SKAP2: variants seen among roughly 807,000 people sequenced by gnomAD.
SKAP2 encodes src kinase-associated phosphoprotein 2.
Under a neutral mutation model 54.9 loss-of-function variants are expected in SKAP2, and 28 were observed. The ratio of observed to expected loss-of-function variants is 0.51; its 90% CI spans 0.38 to 0.70. SKAP2 has a LOEUF of 0.70. Among genes scored for constraint, SKAP2 ranks in the 30% least tolerant of loss-of-function variants. The probability of loss-of-function intolerance (pLI) is 0.00; values close to 1 mark genes in which losing one functional copy is unlikely to be tolerated. For synonymous variants in SKAP2, 137 were observed against 134.3 expected, an observed-to-expected ratio of 1.02 and a Z score of -0.14; for missense variants, 356 against 424.1, an observed-to-expected ratio of 0.84 and a Z score of 1.41.
At chr7:26,850,947 A>G (rs908465117) in intron 3 of SKAP2, among the ~76,000 whole-genome samples, 1 of 152,168 alleles carries the variant, frequency 6.6e-6, no homozygotes, top group Non-Finnish European at 1.5e-5. Context: ...AAATGAATAT[A>G]AACAAGTGAA....
At chr7:26,678,940 C>A (rs556437238) in intron 11 of SKAP2, among the ~76,000 whole-genome samples, 9 of 152,308 alleles carry the variant, frequency 5.9e-5, no homozygotes, top group African/African-American at 2.2e-4. Flanking sequence ...GTATGCTATA[C>A]ACACTGAGGG....
At position 26,812,843 on chromosome 7, in the gene SKAP2, G is replaced by GA. The variant is rs3842175; in HGVS notation, c.307+31186dup. 1.5e-4 allele frequency among the ~76,000 whole-genome samples: 22 copies of GA among 145,744 alleles called. No individual in the cohort carries two copies. The East Asian group carries it at 2.4e-3, about 16-fold the overall frequency. On this transcript the variant is annotated intron_variant, in intron 4 of 12. Coordinates refer to ENST00000345317, the MANE Select transcript of SKAP2 (RefSeq NM_003930.5). ...CATAAAACCATGCTTTTTTAAAAAAGAAAAAAAAAAGCCTGTTTTTTTCCG... is the reference window on the plus strand; with the variant it reads ...CATAAAACCATGCTTTTTTAAAAAAGAAAAAAAAAAAGCCTGTTTTTTTCCG...
At chr7:26,747,604 A>C (rs1782584618) in intron 4 of SKAP2, among the ~76,000 whole-genome samples, 1 of 152,186 alleles carries the variant, frequency 6.6e-6, no homozygotes, top group African/African-American at 2.4e-5. Context: ...TTTAGAACAA[A>C]AGAAGACAGT....
At chr7:26,774,548 T>C (rs1332736081) in intron 4 of SKAP2, among the ~76,000 whole-genome samples, 1 of 151,966 alleles carries the variant, frequency 6.6e-6, no homozygotes, top group African/African-American at 2.4e-5. Flanking sequence ...TACACACCTA[T>C]GTGTATATGC....
intron 1 of SKAP2, among the ~76,000 whole-genome samples, chr7:26,859,573 T>A (rs1038213812): frequency 6.6e-6 from 1 of 152,162 alleles, no homozygotes; most frequent in South Asian, 2.1e-4. Flanking sequence ...AGTCTTACAA[T>A]CCAATCATTG....
At chr7:26,830,297 C>T (rs761464516) in intron 4 of SKAP2, among the ~76,000 whole-genome samples, 11 of 151,974 alleles carry the variant, frequency 7.2e-5, no homozygotes, top group Non-Finnish European at 1.5e-4. Flanking sequence ...GTTTCTTTTT[C>T]GTGGAGATGA....
intron 9 of SKAP2, among the ~76,000 whole-genome samples, chr7:26,720,588 C>G (rs1202979203): frequency 6.6e-6 from 1 of 152,004 alleles, no homozygotes; most frequent in African/African-American, 2.4e-5. Context: ...AAGACATACC[C>G]AAGACTGGCA....
intron 4 of SKAP2, among the ~76,000 whole-genome samples, chr7:26,753,418 G>A (rs1043349503): frequency 2.0e-5 from 3 of 152,034 alleles, no homozygotes; most frequent in African/African-American, 7.2e-5. Flanking sequence ...TTTGTGTACA[G>A]GATTTGTAAA....
intron 9 of SKAP2, among the ~76,000 whole-genome samples, chr7:26,695,561 T>C (rs1786877237): frequency 6.6e-6 from 1 of 152,226 alleles, no homozygotes; most frequent in Non-Finnish European, 1.5e-5. Flanking sequence ...TCCTCCTTTA[T>C]TTTCATTAAA....
chr7:26,841,918 G>A (rs555809799), intron 4 of SKAP2, among the ~76,000 whole-genome samples: 1 of 151,888 alleles, frequency 6.6e-6, no homozygotes, highest in Non-Finnish European at 1.5e-5. Flanking sequence ...ATTCGGTTAT[G>A]CTTATTGTTA....
At chr7:26,705,378 ATCAT>A (rs1787134663) in intron 9 of SKAP2, among the ~76,000 whole-genome samples, 1 of 152,216 alleles carries the variant, frequency 6.6e-6, no homozygotes, top group African/African-American at 2.4e-5. Context: ...TAATTAAGGG[ATCAT>A]TCAATGTTTA....
intron 11 of SKAP2, among the ~76,000 whole-genome samples, chr7:26,673,230 T>A (rs966469178): frequency 6.6e-6 from 1 of 151,990 alleles, no homozygotes; most frequent in Non-Finnish European, 1.5e-5. Context: ...TACAAGGAGG[T>A]CTGCCATCTG....
chr7:26,785,783 C>T (rs1783531190), intron 4 of SKAP2, among the ~76,000 whole-genome samples: 1 of 152,128 alleles, frequency 6.6e-6, no homozygotes, highest in South Asian at 2.1e-4. Context: ...TGGAGATGCC[C>T]ACCCTTCCAT....
At chr7:26,661,926 C>A in the SKAP2 span, among the ~76,000 whole-genome samples, 28 of 152,102 alleles carry the variant, frequency 1.8e-4, no homozygotes, top group Non-Finnish European at 3.2e-4. Context: ...TGAGCCTAAC[C>A]ACAATCCTGA....
chr7:26,823,971 T>C (rs547357912), intron 4 of SKAP2, among the ~76,000 whole-genome samples: 70 of 152,342 alleles, frequency 4.6e-4, no homozygotes, highest in Middle Eastern at 3.4e-3. Context: ...GAATATAACA[T>C]AATCGTAGTT....
intron 9 of SKAP2, among the ~76,000 whole-genome samples, chr7:26,720,717 C>T (rs952276923): frequency 2.0e-5 from 3 of 152,122 alleles, no homozygotes; most frequent in East Asian, 1.9e-4. Flanking sequence ...ATGGCAGCAT[C>T]GAGAAGAATG....
chr7:26,857,808 C>A, intron 1 of SKAP2: 7 of 870,828 alleles, frequency 8.0e-6, no homozygotes, highest in Non-Finnish European at 9.7e-6. Context: ...ATCAAGTGTT[C>A]CTCTGGCTGG....
At chr7:26,672,266 T>C (rs1466658668) in intron 11 of SKAP2, among the ~76,000 whole-genome samples, 1 of 152,062 alleles carries the variant, frequency 6.6e-6, no homozygotes, top group African/African-American at 2.4e-5. Context: ...AGGCATGTTA[T>C]CATTTTCAAA....
intron 4 of SKAP2, among the ~76,000 whole-genome samples, chr7:26,778,545 A>G (rs11980739): frequency 0.3 from 44,966 of 151,806 alleles, 6,942 homozygotes; most frequent in Non-Finnish European, 0.34. Flanking sequence ...ATTCTTCACT[A>G]TATTAATCTG....
Sources: gnomAD v4.1 joint callset for allele counts (sites outside exome capture counted in the v4.1 genomes callset) on GRCh38, gnomAD v4.1.1 for gene constraint, MANE v1.5 for transcripts, NCBI Gene and HGNC (gene_info 2026-07-23, HGNC 2026-07-21) for gene names.